RFXANK: variants seen among roughly 807,000 people sequenced by gnomAD.
The protein encoded by RFXANK is DNA-binding protein RFXANK.
A neutral mutation model predicts 34.5 loss-of-function variants in RFXANK; 19 were observed. The observed-to-expected ratio is 0.55, with a 90% CI of 0.38 to 0.81. The LOEUF is 0.81. RFXANK is among the 30% of genes least tolerant of loss of function. RFXANK has a pLI of 0.00. For synonymous variants in RFXANK, 154 were observed against 149.8 expected, an observed-to-expected ratio of 1.03 and a Z score of -0.20; for missense variants, 295 against 343.5, an observed-to-expected ratio of 0.86 and a Z score of 1.12.
rs781634651 is a variant in RFXANK, at chr19:19,197,267, C to T, written c.337+16C>T. On this transcript the variant is annotated intron_variant, in intron 5 of 9. Coordinates refer to ENST00000303088, the MANE Select transcript of RFXANK (RefSeq NM_003721.4). ...TTGCGGAAAGGTGCGTGTCCACACA[C>T]ATGTGCTGGCATGTCTGCACCTGGC... is the stretch of plus-strand genomic sequence containing the variant. 28 of 1,611,586 alleles carry T rather than the reference C, an allele frequency of 1.7e-5. No homozygotes were observed. Among genetic ancestry groups the T allele is most frequent in the Non-Finnish European group, 2.1e-5 (25 of 1,179,776 alleles).
In RFXANK at chr19:19,194,055, A is replaced by G; in HGVS notation, c.109A>G (p.Thr37Ala). ...AGAGGAGGCTGCAGATGGCTCAGACACTGTGGTCCTCAGTCTCTTTCCCTG... is the reference window on the plus strand; with the variant it reads ...AGAGGAGGCTGCAGATGGCTCAGACGCTGTGGTCCTCAGTCTCTTTCCCTG... The part of the protein sequence containing the change: ...PGEEAADGSD[T>A]VVLSLFPCTP... Residue 37 changes from threonine (T) to alanine (A), a missense_variant, in exon 3 of 10, where the codon ACT becomes GCT. Physicochemically the swap from Thr to Ala is moderately conservative, Grantham distance 58. Transcript: ENST00000303088. The G allele has an allele frequency of 6.2e-7, 1 of 1,614,124 alleles. No individual in the cohort carries two copies. Among genetic ancestry groups the G allele is most frequent in the East Asian group, 2.2e-5 (1 of 44,882 alleles).
At chr19:19,201,498 G>T (rs1221798451) in intron 9 of RFXANK, 151 bp from the exon 10 acceptor site, 1 of 1,594,776 alleles carries the variant, frequency 6.3e-7, no homozygotes, top group African/African-American at 1.3e-5. Flanking sequence ...GGTTCCTGGG[G>T]TGAGTCCTCG....
At chr19:19,198,931 G>C in intron 8 of RFXANK, 1 of 747,870 alleles carries the variant, frequency 1.3e-6, no homozygotes, top group South Asian at 1.5e-5. Flanking sequence ...TGGCCAAGAG[G>C]CTAAGCACCT....
intron 2 of RFXANK, among the ~76,000 whole-genome samples, chr19:19,193,419 T>C (rs1025926599): frequency 1.4e-4 from 20 of 139,148 alleles, no homozygotes; most frequent in African/African-American, 4.3e-4. Context: ...TTTCTTTTTT[T>C]TTTTTTTTTT....
chr19:19,194,192 C>G, intron 3 of RFXANK, 59 bp downstream of exon 3: 3 of 1,521,970 alleles, frequency 2.0e-6, no homozygotes, highest in Non-Finnish European at 2.7e-6. Flanking sequence ...AATGTCAGGC[C>G]TCACATGGAA....
Position 19,198,637 on chromosome 19 carries a change from C to A in RFXANK, c.565-20C>A. On this transcript the variant is annotated intron_variant, in intron 7 of 9. Transcript: ENST00000303088. ...AGGAAGAGGTAAACCTTTGGTTTCT[C>A]CTGCCCCTACCCACGACAGAATGGA... is the stretch of plus-strand genomic sequence containing the variant. 2 of 1,612,488 alleles carry A rather than the reference C, an allele frequency of 1.2e-6. No homozygotes were observed. Among genetic ancestry groups the A allele is most frequent in the South Asian group, 1.1e-5 (1 of 91,088 alleles).
rs1273809755 is a variant in RFXANK at position 19,192,289 on chromosome 19, G to A, written c.-415G>A. ...GGACAAGAAAGGGGCTGTGTGAGAC[G>A]CAGGGAAGGAGGCACACCCGGGGGT... On this transcript the variant is annotated 5_prime_UTR_variant, in exon 1 of 10. Transcript: ENST00000303088. 2 of 864,910 alleles carry A rather than the reference G, an allele frequency of 2.3e-6. No homozygotes were observed. Among genetic ancestry groups the A allele is most frequent in the Non-Finnish European group, 3.5e-6 (2 of 569,216 alleles). The allele number at this position is 864,910 out of a possible 1,614,324, so 53.6% of individuals were successfully genotyped here.
Position 19,201,750 on chromosome 19 carries a change from G to T in RFXANK, c.*31G>T. 1 of 1,613,658 alleles carries T rather than the reference G, an allele frequency of 6.2e-7. No homozygotes were observed. Among genetic ancestry groups the T allele is most frequent in the Non-Finnish European group, 8.5e-7 (1 of 1,179,920 alleles). On this transcript the variant is annotated 3_prime_UTR_variant, in exon 10 of 10. Coordinates refer to ENST00000303088, the MANE Select transcript of RFXANK (RefSeq NM_003721.4). ...GCCTGCCGGGGACTCAGACACTCAGGGAACAAAATGGTCAGCCAGAGCTGG... is the reference window on the plus strand; with the variant it reads ...GCCTGCCGGGGACTCAGACACTCAGTGAACAAAATGGTCAGCCAGAGCTGG...
chr19:19,200,926 G>A (rs984889212), intron 9 of RFXANK: 12 of 165,332 alleles, frequency 7.3e-5, no homozygotes, highest in African/African-American at 2.9e-4. Flanking sequence ...AGCCTCCCAA[G>A]TAGCTGGGAT....
rs2060612079 is a variant in RFXANK, at chr19:19,197,065, C to T, written c.271+19C>T. Reference sequence around the variant, plus strand: ...CTAGACTGTGAGTGGGCCCACGGTCCCCAACAAGGAGAGGAGTAGGAGGGT... The same window carrying T: ...CTAGACTGTGAGTGGGCCCACGGTCTCCAACAAGGAGAGGAGTAGGAGGGT... On this transcript the variant is annotated intron_variant, in intron 4 of 9. Transcript: ENST00000303088. 6.2e-7 allele frequency: 1 copy of T among 1,613,162 alleles called. No individual in the cohort carries two copies. The highest frequency in any genetic ancestry group is 1.3e-5 in the African/African-American group (1 of 74,884).
At chr19:19,200,827 T>G (rs2060700117) in intron 9 of RFXANK, 2 of 142,340 alleles carry the variant, frequency 1.4e-5, no homozygotes, top group Non-Finnish European at 2.9e-5. Context: ...AGATGGAGTT[T>G]CGCTCTTGTT....
chr19:19,195,044 T>TTTTC (rs757298583), intron 3 of RFXANK, among the ~76,000 whole-genome samples: 27 of 147,902 alleles, frequency 1.8e-4, no homozygotes, highest in Non-Finnish European at 3.3e-4. Flanking sequence ...TCCGTTTTTT[T>TTTTC]TTTCTTTCTT....
intron 9 of RFXANK, among the ~76,000 whole-genome samples, chr19:19,199,687 G>C (rs1391610931): frequency 6.6e-6 from 1 of 152,142 alleles, no homozygotes; most frequent in Non-Finnish European, 1.5e-5. Context: ...CCCTGCGGAG[G>C]CCTGGCAGTG....
chr19:19,201,322 C>A, intron 9 of RFXANK: 1 of 731,938 alleles, frequency 1.4e-6, no homozygotes, highest in Non-Finnish European at 2.2e-6. Flanking sequence ...AAGCAGTCCT[C>A]CCCACTGGAC....
At chr19:19,199,572 A>T (rs1208175546) in intron 9 of RFXANK, among the ~76,000 whole-genome samples, 1 of 152,114 alleles carries the variant, frequency 6.6e-6, no homozygotes, top group East Asian at 1.9e-4. Context: ...CTTAAGGTTG[A>T]GACCCCGAGA....
intron 2 of RFXANK, among the ~76,000 whole-genome samples, chr19:19,193,364 A>T (rs1240771035): frequency 6.8e-6 from 1 of 147,182 alleles, no homozygotes; most frequent in Non-Finnish European, 1.5e-5. Flanking sequence ...AAATTGAGGG[A>T]TTCGAACCCA....
intron 3 of RFXANK, among the ~76,000 whole-genome samples, 186 bp downstream of exon 3, chr19:19,194,319 G>A (rs2146464437): frequency 2.0e-5 from 3 of 152,248 alleles, no homozygotes; most frequent in African/African-American, 7.2e-5. Flanking sequence ...TGCAACCTCT[G>A]CCTCCTGGGT....
chr19:19,193,793 T>C (rs2060543057), intron 2 of RFXANK, 146 bp from the exon 3 acceptor site: 1 of 901,800 alleles, frequency 1.1e-6, no homozygotes, highest in South Asian at 1.3e-5. Context: ...AGTTGGACTC[T>C]GGTTTTCATT....
At chr19:19,194,825 G>T (rs2060569420) in intron 3 of RFXANK, among the ~76,000 whole-genome samples, 1 of 151,650 alleles carries the variant, frequency 6.6e-6, no homozygotes, top group Admixed American at 6.6e-5. Context: ...TTAACTCTTT[G>T]AGGGTAGATA....
Sources: gnomAD v4.1 joint callset for allele counts (sites outside exome capture counted in the v4.1 genomes callset) on GRCh38, gnomAD v4.1.1 for gene constraint, MANE v1.5 for transcripts, NCBI Gene and HGNC (gene_info 2026-07-23, HGNC 2026-07-21) for gene names.